Variants in CHD2 observed in about 807,000 individuals in gnomAD.
CHD2 encodes the protein ATP-dependent chromatin remodeler CHD2.
CHD2 carries 28 observed loss-of-function variants against 243.9 expected under a neutral mutation model. That is an observed-to-expected ratio of 0.11 (90% CI 0.09 to 0.16). The LOEUF is 0.16. CHD2 is among the 10% of genes least tolerant of loss of function. CHD2 has a pLI of 1.00. For synonymous variants in CHD2, 775 were observed against 779.0 expected (o/e 0.99, Z 0.09); for missense variants, 1,386 against 2,209.8 (o/e 0.63, Z 7.47).
intron 2 of CHD2, among the ~76,000 whole-genome samples, chr15:92,905,887 T>A (rs1251411265): frequency 6.6e-6 from 1 of 152,208 alleles, no homozygotes; most frequent in Non-Finnish European, 1.5e-5. Context: ...AGAACGAAAG[T>A]AATAATCTCA....
chr15:92,958,872 G>A lies in CHD2; in HGVS notation c.2000+2223G>A, dbSNP rs77004928. On this transcript the variant is annotated intron_variant, in intron 16 of 38. Transcript: ENST00000394196. ...AATATCCTCATGATAAGCGTTCTGA[G>A]CACATTCAGGGTAGGCTACGGTGTG... 3.7e-3 allele frequency among the ~76,000 whole-genome samples: 569 copies of A among 152,296 alleles called. 6 individuals are homozygous for A. The highest frequency in any genetic ancestry group is 0.013 in the African/African-American group (534 of 41,536).
intron 37 of CHD2, among the ~76,000 whole-genome samples, chr15:93,016,482 T>C (rs970430881): frequency 6.6e-6 from 1 of 152,220 alleles, no homozygotes; most frequent in Admixed American, 6.5e-5. Context: ...AGTGAGGTAG[T>C]GCATATGTTA....
At chr15:93,000,943 G>C (rs1299896674) in intron 32 of CHD2, among the ~76,000 whole-genome samples, 1 of 152,118 alleles carries the variant, frequency 6.6e-6, no homozygotes, top group Non-Finnish European at 1.5e-5. Context: ...ATCCTGGCTC[G>C]CTGCAATCTC....
chr15:92,922,385 A>T (rs1236485977), intron 2 of CHD2, among the ~76,000 whole-genome samples: 1 of 152,206 alleles, frequency 6.6e-6, no homozygotes, highest in East Asian at 1.9e-4. Context: ...TCAGGAAGTT[A>T]CATGGTTTTT....
At chr15:92,940,936 A>AT (rs1324020224) in intron 7 of CHD2, among the ~76,000 whole-genome samples, 1 of 138,022 alleles carries the variant, frequency 7.2e-6, no homozygotes, top group African/African-American at 2.7e-5. Flanking sequence ...AAATATATAT[A>AT]AAATATATAT....
intron 2 of CHD2, among the ~76,000 whole-genome samples, chr15:92,921,073 G>A (rs1358118051): frequency 6.6e-6 from 1 of 152,064 alleles, no homozygotes; most frequent in Non-Finnish European, 1.5e-5. Context: ...CTTGAGATGT[G>A]GCTGCCTGTT....
chr15:92,977,991 C>A (rs1171940491), intron 20 of CHD2, among the ~76,000 whole-genome samples: 2 of 152,166 alleles, frequency 1.3e-5, no homozygotes, highest in Non-Finnish European at 2.9e-5. Flanking sequence ...CTAATTCTCT[C>A]ACTCCCATTG....
At position 93,004,769 on chromosome 15, in the gene CHD2, G is replaced by A. The variant is rs1331622431; in HGVS notation, c.4413+18G>A. 15 of 1,607,714 alleles carry A rather than the reference G, an allele frequency of 9.3e-6. No homozygotes were observed. Among genetic ancestry groups the A allele is most frequent in the African/African-American group, 1.3e-5 (1 of 74,912 alleles). Reference sequence around the variant, plus strand: ...TCAGCATAGTAAGTCTTGAAATCGGGGGGTGCCAGTGTCTGCAGCCGCGGT... The same window carrying A: ...TCAGCATAGTAAGTCTTGAAATCGGAGGGTGCCAGTGTCTGCAGCCGCGGT... On this transcript the variant is annotated intron_variant, in intron 34 of 38. Coordinates refer to ENST00000394196, the MANE Select transcript of CHD2 (RefSeq NM_001271.4).
At chr15:92,971,999 T>C (rs2053847762) in intron 18 of CHD2, 72 bp downstream of exon 18, 2 of 1,465,836 alleles carry the variant, frequency 1.4e-6, no homozygotes, top group Non-Finnish European at 1.8e-6. Flanking sequence ...ATCAGAATGC[T>C]CTATTTCCTT....
rs1485117647 is a variant in CHD2 at position 92,943,255 on chromosome 15, C to CTAGCTTGGTATATA, written c.1052+189_1052+190insGCTTGGTATATATA. The CTAGCTTGGTATATA allele has an allele frequency of 4.1e-5, 24 of 580,266 alleles. No individual in the cohort carries two copies. The Admixed American group carries it at 4.3e-4, about 10-fold the overall frequency. 35.9% of individuals were successfully genotyped at this position (580,266 alleles called of 1,614,324 possible). A position where few individuals can be genotyped will look rare whatever the true frequency, so the allele number is the denominator to read the frequency against. On this transcript the variant is annotated intron_variant, in intron 9 of 38. Transcript: ENST00000394196. ...TCAGATACTATATTTTTATATGTGG[C>CTAGCTTGGTATATA]TACCAAGTTTTTGGAGTTAACTAGC... is the stretch of plus-strand genomic sequence containing the variant.
At chr15:92,916,253 G>A (rs557189589) in intron 2 of CHD2, among the ~76,000 whole-genome samples, 1 of 152,308 alleles carries the variant, frequency 6.6e-6, no homozygotes, top group South Asian at 2.1e-4. Context: ...AGGACCTCCT[G>A]AGGATGTGTC....
rs2054578607 is a variant in CHD2 at position 93,025,367 on chromosome 15, T to C, written c.*662T>C. On this transcript the variant is annotated 3_prime_UTR_variant, in exon 39 of 39. Coordinates refer to ENST00000394196, the MANE Select transcript of CHD2 (RefSeq NM_001271.4). ...CAACAGCTTCCACAACTGCTTCATC[T>C]CTGCCAACACTAATTTTTCCCACAC... is the stretch of plus-strand genomic sequence containing the variant. The C allele has an allele frequency of 6.5e-6, 1 of 152,768 alleles. No homozygotes were observed. 9.5% of individuals were successfully genotyped at this position (152,768 alleles called of 1,614,324 possible). A position where few individuals can be genotyped will look rare whatever the true frequency, so the allele number is the denominator to read the frequency against.
At chr15:92,953,712 TTATC>T in intron 14 of CHD2, 139 bp downstream of exon 14, 6 of 762,530 alleles carry the variant, frequency 7.9e-6, no homozygotes, top group East Asian at 2.7e-5. Flanking sequence ...ATTAGGAGGT[TTATC>T]TATCACAAAA....
intron 24 of CHD2, among the ~76,000 whole-genome samples, 179 bp downstream of exon 24, chr15:92,981,636 C>T (rs957986121): frequency 3.3e-5 from 5 of 152,142 alleles, no homozygotes; most frequent in African/African-American, 9.7e-5. Context: ...ACAGTCCGCA[C>T]GAAGGTAATC....
intron 2 of CHD2, among the ~76,000 whole-genome samples, chr15:92,909,970 A>G (rs982104174): frequency 4.2e-5 from 6 of 141,364 alleles, no homozygotes; most frequent in African/African-American, 7.8e-5. Context: ...GTGTGTGTGT[A>G]TGTATATATG....
intron 21 of CHD2, 137 bp downstream of exon 21, chr15:92,978,520 A>G: frequency 1.2e-6 from 1 of 865,108 alleles, no homozygotes; most frequent in Non-Finnish European, 1.8e-6. Context: ...TCTGTTTGTT[A>G]ACTAGCACAG....
chr15:92,984,729 C>T (rs2054019625), intron 25 of CHD2, among the ~76,000 whole-genome samples: 1 of 152,176 alleles, frequency 6.6e-6, no homozygotes. Context: ...CTTTGTGAAG[C>T]TGATAAACAG....
At chr15:93,017,610 G>A (rs2054481017) in intron 37 of CHD2, among the ~76,000 whole-genome samples, 1 of 149,062 alleles carries the variant, frequency 6.7e-6, no homozygotes, top group African/African-American at 2.5e-5. Context: ...GCCTCCCAAA[G>A]TGTTGGGATA....
intron 11 of CHD2, 36 bp from the exon 12 acceptor site, chr15:92,946,002 A>T (rs1383094701): frequency 6.5e-7 from 1 of 1,530,410 alleles, no homozygotes; most frequent in East Asian, 2.3e-5. Context: ...TTTAATTGAC[A>T]GTTGCTAATC....
Sources: allele counts gnomAD v4.1 joint callset (sites outside exome capture counted in the v4.1 genomes callset), GRCh38; gene constraint gnomAD v4.1.1; transcripts MANE v1.5; gene names NCBI Gene and HGNC (gene_info 2026-07-23, HGNC 2026-07-21).